Variants in KDM2B observed in about 807,000 individuals in gnomAD.
KDM2B encodes the protein lysine demethylase 2B, also known as lysine-specific demethylase 2B.
KDM2B carries 26 observed loss-of-function variants against 150.0 expected under a neutral mutation model. The observed-to-expected ratio is 0.17, with a 90% CI of 0.13 to 0.24. The LOEUF (loss-of-function observed/expected upper bound fraction) is 0.24. Ranked by LOEUF, KDM2B falls within the 10% of genes least tolerant of loss-of-function variation. The pLI is 1.00. For missense variants in KDM2B, 1,265 were observed against 1,816.9 expected (o/e 0.70, Z 5.52); for synonymous variants, 734 against 729.5 (o/e 1.01, Z -0.10).
intron 4 of KDM2B, among the ~76,000 whole-genome samples, chr12:121,565,932 A>AT (rs78576604): frequency 0.034 from 4,865 of 143,552 alleles, 248 homozygotes; most frequent in African/African-American, 0.11. Flanking sequence ...CGGCCCAGGA[A>AT]TTTTTTTTTT....
intron 12 of KDM2B, among the ~76,000 whole-genome samples, chr12:121,484,027 A>G (rs113108082): frequency 2.6e-5 from 4 of 152,242 alleles, no homozygotes; most frequent in East Asian, 1.9e-4. Flanking sequence ...AGGCCACACA[A>G]TAGAGATGTG....
chr12:121,480,569 G>A (rs1248681395), intron 12 of KDM2B, among the ~76,000 whole-genome samples: 1 of 105,788 alleles, frequency 9.5e-6, no homozygotes, highest in Non-Finnish European at 1.7e-5. Context: ...AACATAATGA[G>A]ACCCTGTCGC....
At chr12:121,426,868 C>T (rs1872536431), downstream of KDM2B, among the ~76,000 whole-genome samples, 1 of 152,084 alleles carries the variant, frequency 6.6e-6, no homozygotes, top group Admixed American at 6.6e-5. Flanking sequence ...GGGTGATTCG[C>T]CCGCCTCGGC....
chr12:121,536,362 G>A (rs1888095198), intron 6 of KDM2B: 5 of 152,416 alleles, frequency 3.3e-5, no homozygotes. Flanking sequence ...CAACCCCATC[G>A]GAGGGGTGTA....
Position 121,441,133 on chromosome 12 carries a change from G to C in KDM2B, c.3385C>G (p.Leu1129Val), listed in dbSNP as rs1555288122. 4 of 1,614,232 alleles carry C rather than the reference G, an allele frequency of 2.5e-6. No homozygotes were observed. Among genetic ancestry groups the C allele is most frequent in the Admixed American group, 3.3e-5 (2 of 60,038 alleles). ...SGIIRRQPVS[L>V]DLSWTNISKK... ...GAGATATTGGTCCAGCTGAGGTCGA[G>C]GGAGACGGGCTGTCGCCGGATGATG... Residue 1129 changes from leucine to valine, a missense_variant, in exon 20 of 23, where the codon CTC (leucine) becomes GTC (valine). By Grantham distance (32) the Leu-to-Val change is conservative. Coordinates refer to ENST00000377071, the MANE Select transcript of KDM2B (RefSeq NM_032590.5).
At chr12:121,538,865 CAGG>C (rs1390899397) in intron 6 of KDM2B, among the ~76,000 whole-genome samples, 2 of 152,088 alleles carry the variant, frequency 1.3e-5, no homozygotes, top group Non-Finnish European at 1.5e-5. Flanking sequence ...ACCTCAACTC[CAGG>C]AGGAGTCCAG....
intron 4 of KDM2B, among the ~76,000 whole-genome samples, chr12:121,558,568 C>T (rs949268627): frequency 2.0e-5 from 3 of 151,878 alleles, no homozygotes; most frequent in Admixed American, 6.6e-5. Context: ...ATTTTCCTGC[C>T]TCAGCCTCCC....
chr12:121,449,284 G>T (rs1400621973), intron 13 of KDM2B, among the ~76,000 whole-genome samples: 1 of 152,104 alleles, frequency 6.6e-6, no homozygotes, highest in Non-Finnish European at 1.5e-5. Flanking sequence ...TACGGAGGCA[G>T]CCCCAGCGAC....
intron 17 of KDM2B, 107 bp from the exon 18 acceptor site, chr12:121,443,137 G>T: frequency 9.2e-7 from 1 of 1,089,414 alleles, no homozygotes. Flanking sequence ...AGGAGGGGCT[G>T]GAGGGAGGCC....
rs557466729 is a variant in KDM2B at position 121,533,670 on chromosome 12, T to G, written c.778-711A>C. Among the ~76,000 whole-genome samples, 1 of 152,278 alleles carries G rather than the reference T, an allele frequency of 6.6e-6. No homozygotes were observed. Among genetic ancestry groups the G allele is most frequent in the South Asian group, 2.1e-4 (1 of 4,832 alleles). On this transcript the variant is annotated intron_variant, in intron 7 of 22. Coordinates refer to ENST00000377071, the MANE Select transcript of KDM2B (RefSeq NM_032590.5). The surrounding 1 kb of genome is among the most constrained non-coding windows in gnomAD (Gnocchi z 4.1). ...GCCAGAGAAGATGAATGCTGGACGT[T>G]CTCGAGCCAAACCCAAGCTTCAAAT...
intron 14 of KDM2B, 180 bp downstream of exon 14, chr12:121,445,095 C>T (rs1325509617): frequency 3.1e-6 from 2 of 638,914 alleles, no homozygotes; most frequent in African/African-American, 3.7e-5. Flanking sequence ...GACACTGGGT[C>T]TCTGAGGTAC....
chr12:121,455,626 G>A (rs1004955170), intron 12 of KDM2B, among the ~76,000 whole-genome samples: 4 of 152,166 alleles, frequency 2.6e-5, no homozygotes, highest in African/African-American at 7.2e-5. Context: ...GATTGCTTGA[G>A]CCCAGGAATT....
chr12:121,464,797 G>A (rs1355401693), intron 12 of KDM2B, among the ~76,000 whole-genome samples: 1 of 152,198 alleles, frequency 6.6e-6, no homozygotes, highest in Admixed American at 6.5e-5. Context: ...TGGGACAGAG[G>A]TACAGAGAAA....
At chr12:121,535,950 G>A in intron 6 of KDM2B, 1 of 649,804 alleles carries the variant, frequency 1.5e-6, no homozygotes, top group Non-Finnish European at 1.9e-6. Context: ...CGGATGGGCA[G>A]CCTCCCCACC....
chr12:121,515,893 C>T (rs974970461), intron 9 of KDM2B, among the ~76,000 whole-genome samples: 1 of 152,136 alleles, frequency 6.6e-6, no homozygotes, highest in African/African-American at 2.4e-5. Flanking sequence ...CATCATCTAG[C>T]GGTTTCCTTG....
the KDM2B span, among the ~76,000 whole-genome samples, chr12:121,415,698 T>C: frequency 6.6e-6 from 1 of 152,102 alleles, no homozygotes; most frequent in East Asian, 1.9e-4. Flanking sequence ...CCTTAGACTG[T>C]AGAACTGTGG....
At chr12:121,504,943 C>T (rs1028498914) in intron 11 of KDM2B, among the ~76,000 whole-genome samples, 1 of 151,898 alleles carries the variant, frequency 6.6e-6, no homozygotes, top group Non-Finnish European at 1.5e-5. Flanking sequence ...GGTGAAACCC[C>T]GTCTCTACTA....
At chr12:121,507,950 G>A (rs567125388) in intron 11 of KDM2B, among the ~76,000 whole-genome samples, 3 of 152,338 alleles carry the variant, frequency 2.0e-5, no homozygotes, top group Admixed American at 1.3e-4. Context: ...GGTCGAGGCT[G>A]CAGGGAGCCA....
intron 11 of KDM2B, among the ~76,000 whole-genome samples, chr12:121,508,086 G>A (rs1885254880): frequency 6.6e-6 from 1 of 152,096 alleles, no homozygotes. Flanking sequence ...GATTAGTATG[G>A]TTGTTTTGGG....
Sources: allele counts gnomAD v4.1 joint callset (sites outside exome capture counted in the v4.1 genomes callset), GRCh38; gene constraint gnomAD v4.1.1; non-coding constraint Gnocchi (gnomAD v3.1); transcripts MANE v1.5; gene names NCBI Gene and HGNC (gene_info 2026-07-23, HGNC 2026-07-21).